PKP1: variants seen among roughly 807,000 people sequenced by gnomAD.
PKP1 encodes the protein plakophilin-1.
Under a neutral mutation model 76.4 loss-of-function variants are expected in PKP1, and 27 were observed. The observed-to-expected ratio is 0.35, with a 90% CI of 0.26 to 0.49. The LOEUF is 0.49. Ranked by LOEUF, PKP1 falls within the 20% of genes least tolerant of loss-of-function variation. The probability of loss-of-function intolerance (pLI) is 0.99; values close to 1 mark genes in which losing one functional copy is unlikely to be tolerated. For synonymous variants in PKP1, 404 were observed against 384.2 expected, an observed-to-expected ratio of 1.05 and a Z score of -0.60; for missense variants, 964 against 955.2, an observed-to-expected ratio of 1.01 and a Z score of -0.12.
intron 6 of PKP1, among the ~76,000 whole-genome samples, chr1:201,318,997 C>G (rs376962355): frequency 1.3e-4 from 20 of 152,314 alleles, no homozygotes; most frequent in Admixed American, 7.8e-4. Flanking sequence ...CCTACCACCC[C>G]CTTTGAGAGA....
chr1:201,314,239 G>A lies in PKP1; in HGVS notation c.701+679G>A, dbSNP rs149666123. 8.8e-3 allele frequency among the ~76,000 whole-genome samples: 1,339 copies of A among 152,266 alleles called. 18 individuals are homozygous for A. The highest frequency in any genetic ancestry group is 0.031 in the African/African-American group (1,274 of 41,548). On this transcript the variant is annotated intron_variant, in intron 3 of 13. Coordinates refer to ENST00000367324, the MANE Select transcript of PKP1 (RefSeq NM_001005337.3). ...AGGCCGAGGCAGGAGCGGGTAGAGG[G>A]TGCTTGAGCTCAGGAGTTTGAGACC...
In PKP1 at chr1:201,325,846, C is replaced by A; in HGVS notation, c.2106+8C>A. 3 of 1,599,772 alleles carry A rather than the reference C, an allele frequency of 1.9e-6. No homozygotes were observed. The highest frequency in any genetic ancestry group is 2.6e-6 in the Non-Finnish European group (3 of 1,167,066). ...CAGGGTGTCCTCAGACAGGTAAGAG[C>A]CCAGGACATCATCCTCTTCTGAGGT... is the stretch of plus-strand genomic sequence containing the variant. On this transcript the variant is annotated splice_region_variant and intron_variant, in intron 12 of 13. Transcript: ENST00000367324.
chr1:201,311,406 G>A (rs1236009752), intron 2 of PKP1, among the ~76,000 whole-genome samples: 3 of 152,188 alleles, frequency 2.0e-5, no homozygotes, highest in Admixed American at 1.3e-4. Context: ...AGAAAATTAT[G>A]CCTGCCTGAG....
intron 2 of PKP1, among the ~76,000 whole-genome samples, chr1:201,298,812 C>T (rs572982837): frequency 8.5e-5 from 13 of 152,318 alleles, no homozygotes; most frequent in Admixed American, 2.6e-4. Context: ...CTGTATTTGA[C>T]GATCCCATTG....
chr1:201,316,512 C>A, intron 3 of PKP1, 41 bp from the exon 4 acceptor site: 1 of 1,568,988 alleles, frequency 6.4e-7, no homozygotes, highest in South Asian at 1.2e-5. Flanking sequence ...GCAGGGCTCC[C>A]AGCCCACCCC....
chr1:201,293,832 G>C, intron 1 of PKP1, 110 bp from the exon 2 acceptor site: 1 of 744,908 alleles, frequency 1.3e-6, no homozygotes, highest in Non-Finnish European at 2.4e-6. Context: ...GCTCAGACCT[G>C]GTCTCCTCCA....
At position 201,283,527 on chromosome 1, in the gene PKP1, A is replaced by T; in HGVS notation, c.-176A>T. 3.0e-6 allele frequency: 2 copies of T among 672,884 alleles called. No individual in the cohort carries two copies. Among genetic ancestry groups the T allele is most frequent in the Non-Finnish European group, 5.3e-6 (2 of 375,386 alleles). 41.7% of individuals were successfully genotyped at this position (672,884 alleles called of 1,614,324 possible). A position where few individuals can be genotyped will look rare whatever the true frequency, so the allele number is the denominator to read the frequency against. On this transcript the variant is annotated 5_prime_UTR_variant, in exon 1 of 14. Transcript: ENST00000367324. ...CGCCAGTGCCAGAGAGGGACGAACC[A>T]GGGTGGAAGCGCCAGGAGCAGCTGC...
Position 201,313,538 on chromosome 1 carries a change from G to A in PKP1, c.679G>A (p.Gly227Ser), listed in dbSNP as rs373022722. ...CTCCTGCAACAAGGACCTGTCCTTT[G>A]GCCACTCTAGGGCCAGCTCCAAGTG... ...PISCNKDLSF[G>S]HSRASSKICS... Residue 227 changes from glycine (G) to serine (S), a missense_variant, in exon 3 of 14, where the codon GGC (glycine) becomes AGC (serine). Physicochemically the swap from Gly to Ser is moderately conservative, Grantham distance 56 (BLOSUM62 0). Coordinates refer to ENST00000367324, the MANE Select transcript of PKP1 (RefSeq NM_001005337.3). The A allele has an allele frequency of 6.2e-6, 10 of 1,613,630 alleles. No homozygotes were observed. In the African/African-American group the frequency reaches 1.1e-4, roughly 17 times the overall value.
intron 1 of PKP1, among the ~76,000 whole-genome samples, chr1:201,286,116 A>C (rs1655726828): frequency 1.3e-5 from 2 of 151,932 alleles, no homozygotes; most frequent in Admixed American, 1.3e-4. Context: ...CTCTGCGGCC[A>C]CCTCTACTCA....
Position 201,300,477 on chromosome 1 carries a change from G to T in PKP1, c.306+6432G>T, listed in dbSNP as rs146811476. Among the ~76,000 whole-genome samples the T allele has an allele frequency of 2.1e-3, 325 of 152,370 alleles. 1 individual carries two copies. The highest frequency in any genetic ancestry group is 7.6e-3 in the African/African-American group (315 of 41,604). The stretch of plus-strand genomic sequence containing the variant: ...TTGCTCTCCCCTCCATGGCAGGTGA[G>T]TTGAGGCTCTGCCTCCTGGCTGAGG... On this transcript the variant is annotated intron_variant, in intron 2 of 13. Transcript: ENST00000367324.
At chr1:201,316,323 G>A (rs1027966614) in intron 3 of PKP1, 3 of 564,778 alleles carry the variant, frequency 5.3e-6, no homozygotes, top group East Asian at 2.9e-5. Context: ...ACTGTGACCA[G>A]GGGCTCACTA....
chr1:201,309,920 C>T (rs2268163), intron 2 of PKP1, among the ~76,000 whole-genome samples: 75,652 of 152,194 alleles, frequency 0.5, 22,837 homozygotes, highest in East Asian at 0.74. Flanking sequence ...CACCATTCAT[C>T]ATAAAGCCTG....
At chr1:201,323,715 A>T (rs1014300900) in intron 9 of PKP1, among the ~76,000 whole-genome samples, 1 of 152,144 alleles carries the variant, frequency 6.6e-6, no homozygotes, top group Non-Finnish European at 1.5e-5. Flanking sequence ...CAGGCGGCCA[A>T]CTGTTCTTCA....
intron 4 of PKP1, 27 bp from the exon 5 acceptor site, chr1:201,317,545 G>T: frequency 6.3e-7 from 1 of 1,595,842 alleles, no homozygotes; most frequent in South Asian, 1.1e-5. Context: ...CCCTTGACCA[G>T]GCAGCGTGGC....
chr1:201,301,102 A>C (rs573595098), intron 2 of PKP1, among the ~76,000 whole-genome samples: 1 of 152,192 alleles, frequency 6.6e-6, no homozygotes, highest in South Asian at 2.1e-4. Flanking sequence ...TGGCCCCTCC[A>C]TCCTCCTGCC....
chr1:201,298,279 C>G (rs757564102), intron 2 of PKP1, among the ~76,000 whole-genome samples: 2 of 152,324 alleles, frequency 1.3e-5, no homozygotes, highest in East Asian at 1.9e-4. Flanking sequence ...TGGAAAGGCA[C>G]AGCCCTTCAA....
intron 2 of PKP1, among the ~76,000 whole-genome samples, chr1:201,309,314 G>A (rs1001295109): frequency 2.6e-5 from 4 of 151,854 alleles, no homozygotes; most frequent in Admixed American, 6.6e-5. Flanking sequence ...ACAAGCAGGC[G>A]GCAAAGCGGG....
intron 7 of PKP1, among the ~76,000 whole-genome samples, chr1:201,321,401 G>A (rs928389277): frequency 3.9e-5 from 6 of 152,128 alleles, no homozygotes; most frequent in Non-Finnish European, 8.8e-5. Context: ...ACAAAGATCT[G>A]AGCCCAGCTG....
At position 201,331,132 on chromosome 1, in the gene PKP1, C is replaced by T. The variant is rs1657310092; in HGVS notation, c.*1091C>T. 6.6e-6 allele frequency: 1 copy of T among 152,144 alleles called. No homozygotes were observed. 9.4% of individuals were successfully genotyped at this position (152,144 alleles called of 1,614,324 possible). ...ATAGAAATTAACCAGGAAGATGTTT[C>T]CACCAAGCCTGCTGTGAGTCAATTG... On this transcript the variant is annotated 3_prime_UTR_variant, in exon 14 of 14. Transcript: ENST00000367324.
Sources: gnomAD v4.1 joint callset for allele counts (sites outside exome capture counted in the v4.1 genomes callset) on GRCh38, gnomAD v4.1.1 for gene constraint, MANE v1.5 for transcripts, NCBI Gene and HGNC (gene_info 2026-07-23, HGNC 2026-07-21) for gene names.